Variants in AKAP9 observed in about 807,000 individuals in gnomAD.
AKAP9 encodes the protein A-kinase anchoring protein 9.
In AKAP9, 311 loss-of-function variants were observed where a neutral mutation model predicts 488.5. The ratio of observed to expected loss-of-function variants is 0.64; its 90% CI spans 0.58 to 0.70. The LOEUF is 0.70. Ranked by LOEUF, AKAP9 falls within the 30% of genes least tolerant of loss-of-function variation. The pLI is 0.00. For synonymous variants in AKAP9, 1,462 were observed against 1,483.5 expected (o/e 0.99, Z 0.33); for missense variants, 4,215 against 4,374.5 (o/e 0.96, Z 1.03).
intron 22 of AKAP9, chr7:92,058,278 CT>C: frequency 3.4e-6 from 2 of 585,312 alleles, no homozygotes; most frequent in East Asian, 3.7e-5. Context: ...TTACCACATC[CT>C]TTTCCTCTTT....
At chr7:92,014,588 T>G (rs751369264) in intron 10 of AKAP9, among the ~76,000 whole-genome samples, 37 of 152,142 alleles carry the variant, frequency 2.4e-4, no homozygotes, top group Non-Finnish European at 4.9e-4. Context: ...GAGATCATGC[T>G]ACTGCACTCC....
At chr7:91,951,024 A>G (rs1792175395) in intron 1 of AKAP9, among the ~76,000 whole-genome samples, 1 of 152,062 alleles carries the variant, frequency 6.6e-6, no homozygotes, top group Admixed American at 6.6e-5. Context: ...CAACAAGAGA[A>G]CTCTCACTTT....
chr7:92,032,678 C>T (rs1311762895), intron 16 of AKAP9, among the ~76,000 whole-genome samples: 7 of 151,734 alleles, frequency 4.6e-5, no homozygotes, highest in Non-Finnish European at 7.4e-5. Flanking sequence ...AACATAAATT[C>T]GATGAGGAAG....
chr7:92,108,277 A>G (rs545799052), intron 48 of AKAP9, among the ~76,000 whole-genome samples: 1 of 152,298 alleles, frequency 6.6e-6, no homozygotes, highest in Non-Finnish European at 1.5e-5. Context: ...TGCCACAAGC[A>G]TTGTATTGGA....
At chr7:92,077,200 A>G (rs534449261) in intron 29 of AKAP9, among the ~76,000 whole-genome samples, 193 bp downstream of exon 29, 2 of 150,754 alleles carry the variant, frequency 1.3e-5, no homozygotes, top group East Asian at 2.0e-4. Context: ...GGTTCAAGCA[A>G]TTCTGCCTCA....
Position 92,110,417 on chromosome 7 carries a change from C to T in AKAP9, c.*258C>T. On this transcript the variant is annotated 3_prime_UTR_variant, in exon 50 of 50. Coordinates refer to ENST00000356239, the MANE Select transcript of AKAP9 (RefSeq NM_005751.5). ...CTAATTTAAAACATTAAATTATAAA[C>T]CTTGTGTATTTATCAAATGGGTGAA... is the stretch of plus-strand genomic sequence containing the variant. The T allele has an allele frequency of 2.0e-6, 1 of 492,458 alleles. No homozygotes were observed. Among genetic ancestry groups the T allele is most frequent in the South Asian group, 2.5e-5 (1 of 40,754 alleles). 30.5% of individuals were successfully genotyped at this position (492,458 alleles called of 1,614,324 possible).
intron 12 of AKAP9, among the ~76,000 whole-genome samples, chr7:92,021,088 T>C (rs2130727508): frequency 6.6e-6 from 1 of 152,348 alleles, no homozygotes. Context: ...ATGGCATACG[T>C]CATTCTTTCA....
chr7:91,997,092 A>C (rs2130650603), intron 7 of AKAP9, among the ~76,000 whole-genome samples: 1 of 152,358 alleles, frequency 6.6e-6, no homozygotes, highest in East Asian at 1.9e-4. Flanking sequence ...GGAATGTACA[A>C]ATTGAAGACA....
In AKAP9 at chr7:91,992,158, G is replaced by A. The variant is rs1355979670; in HGVS notation, c.352G>A (p.Val118Ile). The change falls in exon 4 of 50, where the codon GTA (valine) becomes ATA (isoleucine). Residue 118 changes from valine to isoleucine, a missense_variant and splice_region_variant. By Grantham distance (29) the Val-to-Ile change is conservative. Around this residue, in one of 5 missense-constraint regions of AKAP9, gnomAD observed 2,361 missense variants for 2,430.0 expected, o/e 0.97. Coordinates refer to ENST00000356239, the MANE Select transcript of AKAP9 (RefSeq NM_005751.5). ...STTADDCSSEVNGCSFVMRTG... is the reference protein window; with the variant it reads ...STTADDCSSEINGCSFVMRTG... The stretch of plus-strand genomic sequence containing the variant: ...ATATCAGGAAATTGTTTTTATACAG[G>A]TAAATGGTTGCAGTTTTGTGATGAG... 5.0e-6 allele frequency: 8 copies of A among 1,607,090 alleles called. No homozygotes were observed. Among genetic ancestry groups the A allele is most frequent in the Non-Finnish European group, 6.8e-6 (8 of 1,173,852 alleles).
intron 43 of AKAP9, 41 bp from the exon 44 acceptor site, chr7:92,099,646 C>G (rs1421622275): frequency 3.1e-6 from 5 of 1,591,206 alleles, no homozygotes; most frequent in Non-Finnish European, 4.3e-6. Flanking sequence ...TATTCACATC[C>G]ATTTGTGCTT....
chr7:92,008,175 C>T (rs1800180490), intron 8 of AKAP9, among the ~76,000 whole-genome samples: 1 of 151,420 alleles, frequency 6.6e-6, no homozygotes, highest in Admixed American at 6.6e-5. Context: ...CAAGATTGAC[C>T]TGATCAACAT....
At chr7:92,048,173 GT>G in intron 21 of AKAP9, among the ~76,000 whole-genome samples, 1 of 152,192 alleles carries the variant, frequency 6.6e-6, no homozygotes, top group African/African-American at 2.4e-5. Context: ...ACAGTTTTAT[GT>G]TTTTTAGTAT....
chr7:92,004,988 C>T (rs956971035), intron 8 of AKAP9, among the ~76,000 whole-genome samples: 8 of 152,070 alleles, frequency 5.3e-5, no homozygotes, highest in South Asian at 2.1e-4. Flanking sequence ...TTGAGATATG[C>T]CCCATCAGTA....
In AKAP9 at chr7:92,086,277, AACT is replaced by A. The variant is rs1814545590; in HGVS notation, c.9078_9080del (p.Leu3028del). On this transcript the variant is annotated inframe_deletion, in exon 37 of 50. Transcript: ENST00000356239. ...GAGAGCTTCTCAGACTGGCGAGGTG[AACT>A]ACTGCTTGCCCTTCAACAAGTTTTC... 6.2e-7 allele frequency: 1 copy of A among 1,614,028 alleles called. No individual in the cohort carries two copies. Among genetic ancestry groups the A allele is most frequent in the Non-Finnish European group, 8.5e-7 (1 of 1,180,014 alleles).
At chr7:91,987,118 A>G (rs2130616214) in intron 3 of AKAP9, among the ~76,000 whole-genome samples, 1 of 152,194 alleles carries the variant, frequency 6.6e-6, no homozygotes, top group East Asian at 1.9e-4. Flanking sequence ...ATTACATTGA[A>G]AAAAGATAAT....
At chr7:92,069,989 A>G (rs777168741) in intron 26 of AKAP9, 41 bp from the exon 27 acceptor site, 1 of 1,587,990 alleles carries the variant, frequency 6.3e-7, no homozygotes, top group East Asian at 2.2e-5. Context: ...TAGCTTGCTG[A>G]AATTTTTTTT....
chr7:92,000,843 T>C lies in AKAP9; in HGVS notation c.931-5T>C. On this transcript the variant is annotated splice_polypyrimidine_tract_variant and splice_region_variant and intron_variant, in intron 7 of 49. Coordinates refer to ENST00000356239, the MANE Select transcript of AKAP9 (RefSeq NM_005751.5). ...ATTCTTACATTTTCATTTTTTTTCC[T>C]AAAGGAACAAGATAAAAAAGTAGAA... is the stretch of plus-strand genomic sequence containing the variant. The C allele has an allele frequency of 7.4e-7, 1 of 1,352,844 alleles. No homozygotes were observed. Among genetic ancestry groups the C allele is most frequent in the Non-Finnish European group, 1.0e-6 (1 of 1,002,930 alleles). The allele number at this position is 1,352,844 out of a possible 1,614,324, so 83.8% of individuals were successfully genotyped here.
rs188253486 is a variant in AKAP9 at position 92,008,091 on chromosome 7, T to G, written c.3319-4338T>G. 2.8e-3 allele frequency among the ~76,000 whole-genome samples: 427 copies of G among 152,292 alleles called. 3 individuals carry two copies. The highest frequency in any genetic ancestry group is 9.8e-3 in the African/African-American group (407 of 41,580). Reference sequence around the variant, plus strand: ...TTTATTATTTGAAAACACTAGTGGCTGGCCGTGGTGGCTCACACCTGTAAT... The same window carrying G: ...TTTATTATTTGAAAACACTAGTGGCGGGCCGTGGTGGCTCACACCTGTAAT... On this transcript the variant is annotated intron_variant, in intron 8 of 49. Transcript: ENST00000356239.
intron 7 of AKAP9, among the ~76,000 whole-genome samples, chr7:91,998,156 C>G (rs1256009615): frequency 6.6e-6 from 1 of 152,150 alleles, no homozygotes; most frequent in Non-Finnish European, 1.5e-5. Flanking sequence ...CTAGAAGAAT[C>G]TAGTGCCGCA....
Sources: gnomAD v4.1 joint callset for allele counts (sites outside exome capture counted in the v4.1 genomes callset) on GRCh38, gnomAD v4.1.1 for gene constraint, gnomAD v4.1.1 regional missense constraint, MANE v1.5 for transcripts, NCBI Gene and HGNC (gene_info 2026-07-23, HGNC 2026-07-21) for gene names.